The following PLXNA4 variants were observed in gnomAD, a reference collection of about 807,000 sequenced individuals.
PLXNA4 encodes the protein plexin-A4.
Under a neutral mutation model 191.8 loss-of-function variants are expected in PLXNA4, and 44 were observed. That is an observed-to-expected ratio of 0.23 (90% confidence interval 0.18 to 0.29). PLXNA4 has a LOEUF of 0.29. Among genes scored for constraint, PLXNA4 ranks in the 10% least tolerant of loss-of-function variants. The pLI is 1.00. For synonymous variants in PLXNA4, 1,082 were observed against 1,009.5 expected (o/e 1.07, Z -1.36); for missense variants, 1,800 against 2,488.8 (o/e 0.72, Z 5.89).
Position 132,223,632 on chromosome 7 carries a change from G to A in PLXNA4, c.1992C>T (p.Ser664=), listed in dbSNP as rs1160093254. The A allele has an allele frequency of 1.9e-6, 3 of 1,613,038 alleles. No homozygotes were observed. The highest frequency in any genetic ancestry group is 2.7e-5 in the African/African-American group (2 of 74,910). The part of the protein sequence containing the change: ...YNCSVHNSCL[S]CVESPYRCHW... ...GGCAGCGGTATGGACTCTCCACGCA[G>A]GACAGGCACCTGGGCACAGGGGAAG... Residue 664 remains serine, a synonymous_variant, in exon 9 of 32, where the codon TCC becomes TCT. Transcript: ENST00000321063.
At chr7:132,577,667 G>A (rs1176160295), upstream of PLXNA4, among the ~76,000 whole-genome samples, 1 of 152,160 alleles carries the variant, frequency 6.6e-6, no homozygotes, top group African/African-American at 2.4e-5. Context: ...GGCGATGTGG[G>A]GCGGAGAGAG....
intron 4 of PLXNA4, among the ~76,000 whole-genome samples, chr7:132,247,909 A>G (rs567927420): frequency 2.0e-5 from 3 of 152,236 alleles, no homozygotes; most frequent in Admixed American, 6.5e-5. Flanking sequence ...AGAAAGGCAG[A>G]TGCCAGAAGG....
chr7:132,564,052 C>T lies in PLXNA4; in HGVS notation c.-87+12370G>A, dbSNP rs1563177410. Among the ~76,000 whole-genome samples the T allele has an allele frequency of 8.0e-4, 45 of 56,522 alleles. 5 individuals carry two copies. The highest frequency in any genetic ancestry group is 2.1e-3 in the East Asian group (3 of 1,420). 37.1% of individuals were successfully genotyped at this position (56,522 alleles called of 152,430 possible). A position where few individuals can be genotyped will look rare whatever the true frequency, so the allele number is the denominator to read the frequency against. On this transcript the variant is annotated intron_variant, in intron 1 of 31. Transcript: ENST00000321063. ...CCTCCTTCTCCTCCTTTTCCTCCCC[C>T]TCTTTCTCCTCCTCCTTCTCCTCCT...
chr7:132,548,683 C>T (rs908241856), intron 1 of PLXNA4, among the ~76,000 whole-genome samples: 1 of 152,190 alleles, frequency 6.6e-6, no homozygotes, highest in African/African-American at 2.4e-5. Context: ...AGTGTTTGAA[C>T]CAGAGTGACT....
intron 3 of PLXNA4, among the ~76,000 whole-genome samples, chr7:132,424,075 T>C (rs999534246): frequency 1.3e-4 from 20 of 152,212 alleles, no homozygotes; most frequent in African/African-American, 4.8e-4. Flanking sequence ...AGCCCCACTT[T>C]AGCTTTCCCA....
chr7:132,203,016 G>A lies in PLXNA4; in HGVS notation c.2396-180C>T, dbSNP rs1375933386. Among the ~76,000 whole-genome samples the A allele has an allele frequency of 3.3e-5, 5 of 152,166 alleles. No homozygotes were observed. In the East Asian group the frequency reaches 5.8e-4, roughly 18 times the overall value. On this transcript the variant is annotated intron_variant, in intron 11 of 31. Coordinates refer to ENST00000321063, the MANE Select transcript of PLXNA4 (RefSeq NM_020911.2). ...GAAAGAAAGTCCAGGCCTGAGCAGA[G>A]GGACTGAAATGGGAAGCTCTGGGGT...
chr7:132,450,685 C>T (rs1354735159), intron 3 of PLXNA4, among the ~76,000 whole-genome samples: 1 of 152,222 alleles, frequency 6.6e-6, no homozygotes, highest in Non-Finnish European at 1.5e-5. Context: ...GGAACCTGCT[C>T]AGCCTGCTAT....
At chr7:132,412,183 A>C (rs1289972084) in intron 3 of PLXNA4, among the ~76,000 whole-genome samples, 1 of 152,214 alleles carries the variant, frequency 6.6e-6, no homozygotes, top group Non-Finnish European at 1.5e-5. Context: ...CCTCTATTTC[A>C]AAACCCTACT....
At chr7:132,206,930 A>G (rs187129238) in intron 10 of PLXNA4, among the ~76,000 whole-genome samples, 20 of 152,292 alleles carry the variant, frequency 1.3e-4, no homozygotes, top group Admixed American at 1.3e-3. Context: ...AAGTGTCTCA[A>G]TCAAGGTCTG....
At chr7:132,585,839 C>T (rs1424132804) in intron 2 of PLXNA4, among the ~76,000 whole-genome samples, 1 of 152,188 alleles carries the variant, frequency 6.6e-6, no homozygotes, top group Non-Finnish European at 1.5e-5. Context: ...CTCATGACCT[C>T]ATCTAAACCT....
intron 3 of PLXNA4, among the ~76,000 whole-genome samples, chr7:132,303,276 A>G (rs1309821318): frequency 6.8e-6 from 1 of 147,814 alleles, no homozygotes; most frequent in Non-Finnish European, 1.5e-5. Flanking sequence ...TTGGTAGAAA[A>G]TGTAAAGAAA....
chr7:132,233,520 T>C (rs1482297236), intron 5 of PLXNA4, among the ~76,000 whole-genome samples: 1 of 152,264 alleles, frequency 6.6e-6, no homozygotes, highest in Non-Finnish European at 1.5e-5. Flanking sequence ...CCCAAGGTTC[T>C]ACTGTAATTT....
At chr7:132,173,069 A>T (rs187771105) in intron 21 of PLXNA4, among the ~76,000 whole-genome samples, 104 of 152,322 alleles carry the variant, frequency 6.8e-4, no homozygotes, top group Non-Finnish European at 1.2e-3. Context: ...AACTACAAAG[A>T]TAAATAAGGT....
intron 4 of PLXNA4, among the ~76,000 whole-genome samples, chr7:132,256,914 TGG>T (rs1799452781): frequency 6.6e-6 from 1 of 152,184 alleles, no homozygotes; most frequent in Admixed American, 6.5e-5. Flanking sequence ...GAGATAACAC[TGG>T]ACAGCTGTAC....
chr7:132,230,407 C>T (rs1368496463), intron 5 of PLXNA4, among the ~76,000 whole-genome samples: 3 of 152,210 alleles, frequency 2.0e-5, no homozygotes, highest in Non-Finnish European at 4.4e-5. Context: ...AGGCTAATCG[C>T]TATTTTTGCC....
At position 132,185,286 on chromosome 7, in the gene PLXNA4, G is replaced by T. The variant is rs1796839928; in HGVS notation, c.3158+13C>A. 6.2e-7 allele frequency: 1 copy of T among 1,607,306 alleles called. No individual in the cohort carries two copies. The highest frequency in any genetic ancestry group is 1.7e-5 in the Admixed American group (1 of 59,460). On this transcript the variant is annotated intron_variant, in intron 16 of 31. Transcript: ENST00000321063. ...GTGCAGAAGCATTAAGGTCCGCTTG[G>T]GCCAGCTCCTACCTGACAATGCTCC...
At chr7:132,347,032 A>T (rs2116778575) in intron 3 of PLXNA4, among the ~76,000 whole-genome samples, 1 of 152,298 alleles carries the variant, frequency 6.6e-6, no homozygotes, top group East Asian at 1.9e-4. Flanking sequence ...AATAACATGG[A>T]TGTTCCTCTG....
chr7:132,333,415 G>A (rs1469568527), intron 3 of PLXNA4, among the ~76,000 whole-genome samples: 1 of 152,238 alleles, frequency 6.6e-6, no homozygotes, highest in African/African-American at 2.4e-5. Flanking sequence ...AGGTGGGGAG[G>A]TGGGAAGGTA....
At chr7:132,294,980 TTCTGTTGTTTAAGCTCCCCAG>T (rs1380974893) in intron 4 of PLXNA4, among the ~76,000 whole-genome samples, 1 of 152,158 alleles carries the variant, frequency 6.6e-6, no homozygotes, top group Non-Finnish European at 1.5e-5. Context: ...GAAAACAAAT[TTCTGTTGTTTAAGCTCCCCAG>T]TCTGTGCTAT....
Sources: allele counts gnomAD v4.1 joint callset (sites outside exome capture counted in the v4.1 genomes callset), GRCh38; gene constraint gnomAD v4.1.1; transcripts MANE v1.5; gene names NCBI Gene and HGNC (gene_info 2026-07-23, HGNC 2026-07-21).